SAT1: variants seen among roughly 807,000 people sequenced by gnomAD.
SAT1 encodes the protein diamine acetyltransferase 1.
In SAT1, 1 loss-of-function variant was observed where a neutral mutation model predicts 14.7. The ratio of observed to expected loss-of-function variants is 0.07; its 90% confidence interval spans 0.02 to 0.32. The LOEUF is 0.32. Ranked by LOEUF, SAT1 falls within the 10% of genes least tolerant of loss-of-function variation. The probability of loss-of-function intolerance (pLI) is 1.00; values close to 1 mark genes in which losing one functional copy is unlikely to be tolerated. For missense variants in SAT1, 77 were observed against 129.1 expected, an observed-to-expected ratio of 0.60 and a Z score of 1.96; for synonymous variants, 67 against 46.1, an observed-to-expected ratio of 1.45 and a Z score of -1.84.
At chrX:23,784,146 A>G (rs1418075530) in intron 3 of SAT1, 2 of 1,021,516 alleles carry the variant, frequency 2.0e-6, no homozygotes, top group Non-Finnish European at 2.5e-6. Context: ...TTAAGTAAGT[A>G]TAAGTGCTGT....
At chrX:23,784,249 T>C (rs999595310) in intron 3 of SAT1, 2 of 868,715 alleles carry the variant, frequency 2.3e-6, no homozygotes, top group Non-Finnish European at 2.9e-6. Flanking sequence ...GTTTTTGTAA[T>C]TGTGTTAAAT....
Position 23,785,932 on chromosome X carries a change from T to TGTAGTGAAA in SAT1, c.*77_*85dup, listed in dbSNP as rs1028233316. ...AACTTCTCTTGCTTTCTATGCTGTT[T>TGTAGTGAAA]GTAGTGAAATAATAGAATGAGCACC... On this transcript the variant is annotated 3_prime_UTR_variant, in exon 6 of 6. Transcript: ENST00000379270. 5.6e-6 allele frequency: 5 copies of TGTAGTGAAA among 890,839 alleles called. No homozygotes were observed. In the African/African-American group the frequency reaches 1.0e-4, roughly 18 times the overall value. The allele number at this position is 890,839 out of a possible 1,213,427, so 73.4% of individuals were successfully genotyped here.
intron 1 of SAT1, 99 bp from the exon 2 acceptor site, chrX:23,783,559 G>A: frequency 1.3e-6 from 1 of 766,422 alleles, no homozygotes; most frequent in African/African-American, 2.1e-5. Flanking sequence ...CGGCTCGGCC[G>A]CCACCCCGCC....
chrX:23,784,131 G>C, intron 3 of SAT1: 3 of 1,063,289 alleles, frequency 2.8e-6, no homozygotes, highest in Non-Finnish European at 3.7e-6. Context: ...AAGTGTTTAA[G>C]CTGCTTAAGT....
intron 3 of SAT1, chrX:23,785,080 C>A (rs754145954): frequency 2.6e-6 from 1 of 391,158 alleles, no homozygotes; most frequent in South Asian, 4.2e-5. Context: ...GGCCAGTCCA[C>A]AGTTGTAGCC....
rs2146923637 is a variant in SAT1 at position 23,786,075 on chromosome X, AAAC to A, written c.*225_*227del. On this transcript the variant is annotated 3_prime_UTR_variant, in exon 6 of 6. Coordinates refer to ENST00000379270, the MANE Select transcript of SAT1 (RefSeq NM_002970.4). Reference sequence around the variant, plus strand: ...TCTTTCTCCTTGAATATCTTTCGATAAACAACAAGGTGGTGTGATCTTAATATA... The same window carrying A: ...TCTTTCTCCTTGAATATCTTTCGATAAACAAGGTGGTGTGATCTTAATATA... 6 of 338,999 alleles carry A rather than the reference AAAC, an allele frequency of 1.8e-5. No homozygotes were observed. The highest frequency in any genetic ancestry group is 8.2e-5 in the South Asian group (1 of 12,230). 27.9% of individuals were successfully genotyped at this position (338,999 alleles called of 1,213,427 possible). A position where few individuals can be genotyped will look rare whatever the true frequency, so the allele number is the denominator to read the frequency against.
intron 3 of SAT1, chrX:23,784,118 C>T: frequency 1.9e-6 from 2 of 1,080,444 alleles, no homozygotes; most frequent in Non-Finnish European, 2.4e-6. Context: ...TGTGGAGACT[C>T]GGAAGTGTTT....
At chrX:23,784,081 G>C in intron 3 of SAT1, 198 bp downstream of exon 3, 1 of 1,106,767 alleles carries the variant, frequency 9.0e-7, no homozygotes, top group Non-Finnish European at 1.2e-6. Context: ...CAGGTTAAAA[G>C]AGCTGTTTAA....
Position 23,785,753 on chromosome X carries a change from A to G in SAT1, c.413A>G (p.Asn138Ser). 8.3e-7 allele frequency: 1 copy of G among 1,209,098 alleles called. No individual in the cohort carries two copies. The highest frequency in any genetic ancestry group is 1.1e-6 in the Non-Finnish European group (1 of 893,322). Residue 138 changes from asparagine to serine, a missense_variant, in exon 6 of 6, where the codon AAC becomes AGC. Transcript: ENST00000379270. ...GCAGAATGGAATGAACCATCCATCA[A>G]CTTCTATAAAAGAAGAGGTGCTTCT... ...LVAEWNEPSINFYKRRGASDL... is the reference protein window; with the variant it reads ...LVAEWNEPSISFYKRRGASDL...
chrX:23,785,818 G>C lies in SAT1; in HGVS notation c.478G>C (p.Asp160His). 1 of 1,205,045 alleles carries C rather than the reference G, an allele frequency of 8.3e-7. No individual in the cohort carries two copies. Among genetic ancestry groups the C allele is most frequent in the Non-Finnish European group, 1.1e-6 (1 of 892,301 alleles). The change falls in exon 6 of 6, where the codon GAC (aspartate) becomes CAC (histidine). Residue 160 changes from aspartate (D) to histidine (H), a missense_variant. Physicochemically the swap from Asp to His is moderately conservative, Grantham distance 81. Transcript: ENST00000379270. ...SEEGWRLFKI[D>H]KEYLLKMATE... Reference sequence around the variant, plus strand: ...AGAGGGTTGGAGACTGTTCAAGATCGACAAGGAGTACTTGCTAAAAATGGC... The same window carrying C: ...AGAGGGTTGGAGACTGTTCAAGATCCACAAGGAGTACTTGCTAAAAATGGC...
Position 23,785,434 on chromosome X carries a change from G to C in SAT1, c.304+5G>C. On this transcript the variant is annotated splice_donor_5th_base_variant and intron_variant, in intron 4 of 5. Coordinates refer to ENST00000379270, the MANE Select transcript of SAT1 (RefSeq NM_002970.4). ...TCGTGATGAGTGATTATAGAGGTAC[G>C]ATTGAGTTCGGAGCAGAGGGTCTGA... 8.5e-7 allele frequency: 1 copy of C among 1,179,108 alleles called. No homozygotes were observed. The highest frequency in any genetic ancestry group is 1.2e-6 in the Non-Finnish European group (1 of 865,519).
intron 3 of SAT1, chrX:23,784,092 GT>G: frequency 9.1e-7 from 1 of 1,102,285 alleles, no homozygotes; most frequent in Non-Finnish European, 1.2e-6. Context: ...AGCTGTTTAA[GT>G]AAGTATCAGA....
chrX:23,783,562 A>AGG, intron 1 of SAT1, 96 bp from the exon 2 acceptor site: 10 of 672,915 alleles, frequency 1.5e-5, no homozygotes, highest in Non-Finnish European at 2.2e-5. Flanking sequence ...CTCGGCCGCC[A>AGG]CCCCGCCCGC....
chrX:23,783,579 C>CCAAACCAAA, intron 1 of SAT1, 79 bp from the exon 2 acceptor site: 1 of 770,315 alleles, frequency 1.3e-6, no homozygotes, highest in Non-Finnish European at 1.9e-6. Flanking sequence ...CCGCCCGCCC[C>CCAAACCAAA]ATTCCGTTCC....
Position 23,786,101 on chromosome X carries a change from A to G in SAT1, c.*245A>G, listed in dbSNP as rs2071030. The G allele has an allele frequency of 1.4e-3, 384 of 279,019 alleles. 9 individuals are homozygous for G. The East Asian group carries it at 0.022, about 16-fold the overall frequency. The allele number at this position is 279,019 out of a possible 1,213,427, so 23.0% of individuals were successfully genotyped here. The stretch of plus-strand genomic sequence containing the variant: ...AACAACAAGGTGGTGTGATCTTAAT[A>G]TATTTGAAAAAAACTTCATTCTCGT... On this transcript the variant is annotated 3_prime_UTR_variant, in exon 6 of 6. Coordinates refer to ENST00000379270, the MANE Select transcript of SAT1 (RefSeq NM_002970.4).
intron 3 of SAT1, chrX:23,784,517 C>G (rs185772892): frequency 3.4e-4 from 43 of 125,469 alleles, no homozygotes; most frequent in Non-Finnish European, 5.4e-4. Flanking sequence ...TAATTTGAAA[C>G]CTTTGCCTCC....
intron 3 of SAT1, chrX:23,784,150 G>A: frequency 1.0e-6 from 1 of 979,682 alleles, no homozygotes; most frequent in Non-Finnish European, 1.3e-6. Context: ...GTAAGTATAA[G>A]TGCTGTGGAG....
At chrX:23,783,953 A>C (rs754393850) in intron 3 of SAT1, 70 bp downstream of exon 3, 19 of 1,207,190 alleles carry the variant, frequency 1.6e-5, no homozygotes, top group South Asian at 7.1e-5. Context: ...GGCTGTGTAG[A>C]ACCACTGACT....
intron 3 of SAT1, chrX:23,784,697 A>G (rs2011566153): frequency 9.2e-6 from 1 of 108,112 alleles, no homozygotes; most frequent in Non-Finnish European, 1.9e-5. Context: ...AAATGAGCAG[A>G]AAACAAGGGA....
Sources: allele counts gnomAD v4.1 joint callset, GRCh38; gene constraint gnomAD v4.1.1; transcripts MANE v1.5; gene names NCBI Gene and HGNC (gene_info 2026-07-23, HGNC 2026-07-21).